The following MAP3K19 variants were observed in gnomAD, a reference collection of about 807,000 sequenced individuals.
The protein encoded by MAP3K19 is SPS1/STE20-related protein kinase YSK4.
A neutral mutation model predicts 114.4 loss-of-function variants in MAP3K19; 91 were observed. That is an observed-to-expected ratio of 0.80 (90% CI 0.67 to 0.95). The LOEUF (loss-of-function observed/expected upper bound fraction) is 0.95. Among genes scored for constraint, MAP3K19 ranks in the 40% least tolerant of loss-of-function variants. The pLI, the probability that MAP3K19 is intolerant of heterozygous loss-of-function variation, is 0.00. For synonymous variants in MAP3K19, 518 were observed against 530.5 expected, an observed-to-expected ratio of 0.98 and a Z score of 0.32; for missense variants, 1,471 against 1,573.2, an observed-to-expected ratio of 0.94 and a Z score of 1.10.
chr2:135,028,227 T>G (rs947535978), intron 3 of MAP3K19, among the ~76,000 whole-genome samples: 16 of 152,142 alleles, frequency 1.1e-4, no homozygotes, highest in Admixed American at 1.0e-3. Flanking sequence ...AGGTGCTCAG[T>G]AAACATTCAC....
intron 12 of MAP3K19, among the ~76,000 whole-genome samples, chr2:134,970,605 T>TC (rs1683801758): frequency 6.7e-6 from 1 of 149,982 alleles, no homozygotes; most frequent in African/African-American, 2.4e-5. Flanking sequence ...CTTTTTTTTT[T>TC]TTTTTTTTTT....
intron 2 of MAP3K19, among the ~76,000 whole-genome samples, chr2:135,031,059 A>C (rs1688368443): frequency 6.6e-6 from 1 of 152,102 alleles, no homozygotes. Context: ...GCCCAGTTGC[A>C]TGTTAAGAAC....
At chr2:134,979,124 GTATTGT>G (rs1349212664) in intron 12 of MAP3K19, among the ~76,000 whole-genome samples, 47 of 152,134 alleles carry the variant, frequency 3.1e-4, no homozygotes, top group African/African-American at 1.1e-3. Context: ...TCTCCAAGGA[GTATTGT>G]TATTGATATC....
chr2:134,979,443 CGTGTGTGTGTGTGTGT>C (rs59337402), intron 12 of MAP3K19, among the ~76,000 whole-genome samples: 12 of 146,770 alleles, frequency 8.2e-5, no homozygotes, highest in Non-Finnish European at 1.8e-4. Flanking sequence ...TAAAGTGCTT[CGTGTGTGTGTGTGTGT>C]GTGTGTGTGT....
At chr2:134,970,523 G>T (rs993590192) in intron 12 of MAP3K19, among the ~76,000 whole-genome samples, 2 of 150,782 alleles carry the variant, frequency 1.3e-5, no homozygotes, top group Non-Finnish European at 3.0e-5. Context: ...GAGTCTTTAG[G>T]TTTTTCTAGA....
intron 11 of MAP3K19, among the ~76,000 whole-genome samples, chr2:134,982,132 T>C (rs1192052690): frequency 7.0e-6 from 1 of 142,886 alleles, no homozygotes; most frequent in East Asian, 2.0e-4. Flanking sequence ...TTTTTTTTTT[T>C]TTGGAGACAG....
Position 134,980,851 on chromosome 2 carries a change from G to T in MAP3K19, c.3890C>A (p.Ala1297Glu). 3.1e-6 allele frequency: 5 copies of T among 1,614,070 alleles called. No homozygotes were observed. Among genetic ancestry groups the T allele is most frequent in the Non-Finnish European group, 4.2e-6 (5 of 1,179,900 alleles). ...CAGGCACATGCGCACAAAGTCTGCT[G>T]CATTTTCTGAGAAGTGGTCTGGTAA... ...PPLPDHFSEN[A>E]ADFVRMCLTR... is the part of the protein sequence containing the mutation. The change falls in exon 12 of 13, where the codon GCA becomes GAA. Residue 1297 changes from alanine to glutamate, a missense_variant. Coordinates refer to ENST00000392915, the MANE Select transcript of MAP3K19 (RefSeq NM_025052.5).
At chr2:135,010,696 T>C (rs1259087948) in intron 5 of MAP3K19, among the ~76,000 whole-genome samples, 1 of 152,192 alleles carries the variant, frequency 6.6e-6, no homozygotes, top group Admixed American at 6.5e-5. Context: ...AGCACAATTA[T>C]AGTTCACTGC....
chr2:135,005,414 T>C lies in MAP3K19; in HGVS notation c.235+21A>G, dbSNP rs773241863. The C allele has an allele frequency of 5.8e-6, 9 of 1,546,990 alleles. 1 individual carries two copies. The highest frequency in any genetic ancestry group is 1.4e-5 in the African/African-American group (1 of 73,432). On this transcript the variant is annotated intron_variant, in intron 6 of 12. Transcript: ENST00000392915. ...TGATAATGTTATCTTTGTAAACACATCAAGGAGTAAAGCCCAGTACCTTCT... is the reference window on the plus strand; with the variant it reads ...TGATAATGTTATCTTTGTAAACACACCAAGGAGTAAAGCCCAGTACCTTCT...
intron 3 of MAP3K19, among the ~76,000 whole-genome samples, chr2:135,029,680 G>T (rs1014377805): frequency 6.6e-6 from 1 of 152,172 alleles, no homozygotes; most frequent in South Asian, 2.1e-4. Flanking sequence ...CAGTTGGAAG[G>T]TCACATGGTC....
chr2:135,029,750 T>C (rs1377357108), intron 3 of MAP3K19, among the ~76,000 whole-genome samples: 2 of 152,222 alleles, frequency 1.3e-5, no homozygotes, highest in Non-Finnish European at 2.9e-5. Context: ...CAATAATTAA[T>C]GTCCTTGGTT....
rs1232973158 is a variant in MAP3K19 at position 134,980,003 on chromosome 2, G to T, written c.3920+818C>A. Among the ~76,000 whole-genome samples the T allele has an allele frequency of 2.0e-5, 3 of 152,162 alleles. No homozygotes were observed. The East Asian group carries it at 5.8e-4, about 29-fold the overall frequency. On this transcript the variant is annotated intron_variant, in intron 12 of 12. Transcript: ENST00000392915. The stretch of plus-strand genomic sequence containing the variant: ...GAGTTTTTCATCTAGGGATAAGAAG[G>T]CAAACTTACTTGAAAGACAGGAAAT...
chr2:134,982,500 G>T (rs1023802948), intron 11 of MAP3K19, among the ~76,000 whole-genome samples: 1 of 151,852 alleles, frequency 6.6e-6, no homozygotes, highest in East Asian at 1.9e-4. Context: ...ACAGGTCTGT[G>T]CCACCACACC....
chr2:135,032,613 T>G (rs1026205551), intron 2 of MAP3K19, among the ~76,000 whole-genome samples: 160 of 151,256 alleles, frequency 1.1e-3, no homozygotes, highest in African/African-American at 3.8e-3. Context: ...TAATTTTATT[T>G]TATTTATTTA....
At chr2:134,971,124 A>G (rs970101219) in intron 12 of MAP3K19, among the ~76,000 whole-genome samples, 2 of 152,198 alleles carry the variant, frequency 1.3e-5, no homozygotes, top group Admixed American at 1.3e-4. Flanking sequence ...TTTTTATCAC[A>G]AAGGGATGTT....
chr2:134,983,247 T>C (rs1684834169), intron 11 of MAP3K19: 1 of 534,820 alleles, frequency 1.9e-6, no homozygotes, highest in South Asian at 1.4e-5. Context: ...ATCTTTTGTT[T>C]TTGCCATCTA....
intron 6 of MAP3K19, among the ~76,000 whole-genome samples, chr2:135,004,445 A>G (rs186919059): frequency 2.5e-3 from 387 of 152,252 alleles, no homozygotes; most frequent in Non-Finnish European, 3.6e-3. Flanking sequence ...GCAGCATCGC[A>G]CCACCTCCCG....
chr2:135,018,571 AC>A (rs1687753027), intron 5 of MAP3K19, among the ~76,000 whole-genome samples: 1 of 152,168 alleles, frequency 6.6e-6, no homozygotes, highest in South Asian at 2.1e-4. Context: ...TCTTGCCCCC[AC>A]AAAGTGATCC....
chr2:134,985,444 T>C (rs1667333511), intron 10 of MAP3K19, among the ~76,000 whole-genome samples: 1 of 152,254 alleles, frequency 6.6e-6, no homozygotes, highest in Admixed American at 6.5e-5. Flanking sequence ...GAGCAATGTC[T>C]TGCCTATAAT....
Sources: allele counts gnomAD v4.1 joint callset (sites outside exome capture counted in the v4.1 genomes callset), GRCh38; gene constraint gnomAD v4.1.1; transcripts MANE v1.5; gene names NCBI Gene and HGNC (gene_info 2026-07-23, HGNC 2026-07-21).